The following N4BP2 variants were observed in gnomAD, a reference collection of about 807,000 sequenced individuals.
N4BP2 encodes the protein NEDD4-binding protein 2.
Under a neutral mutation model 152.8 loss-of-function variants are expected in N4BP2, and 91 were observed. That is an observed-to-expected ratio of 0.60 (90% CI 0.50 to 0.71). N4BP2 has a LOEUF of 0.71. Ranked by LOEUF, N4BP2 falls within the 30% of genes least tolerant of loss-of-function variation. The pLI, the probability that N4BP2 is intolerant of heterozygous loss-of-function variation, is 0.00. For missense variants in N4BP2, 1,923 were observed against 2,059.1 expected, an observed-to-expected ratio of 0.93 and a Z score of 1.28; for synonymous variants, 646 against 705.3, an observed-to-expected ratio of 0.92 and a Z score of 1.33.
At chr4:40,142,278 C>T in intron 14 of N4BP2, 1 of 322,200 alleles carries the variant, frequency 3.1e-6, no homozygotes, top group Non-Finnish European at 6.1e-6. Context: ...TGCTCTGGTT[C>T]CTTTGGATCA....
chr4:40,116,500 C>T (rs1717348897), intron 7 of N4BP2, among the ~76,000 whole-genome samples: 1 of 152,076 alleles, frequency 6.6e-6, no homozygotes, highest in African/African-American at 2.4e-5. Context: ...GGAAATTGTG[C>T]AGACTTTAAA....
the N4BP2 span, among the ~76,000 whole-genome samples, chr4:40,179,052 T>G: frequency 6.6e-6 from 1 of 152,182 alleles, no homozygotes; most frequent in South Asian, 2.1e-4. Context: ...GGAGCATTTA[T>G]TTATGGGTCC....
At chr4:40,153,808 T>C (rs75406760) in intron 17 of N4BP2, among the ~76,000 whole-genome samples, 10,004 of 152,278 alleles carry the variant, frequency 0.066, 406 homozygotes, top group Non-Finnish European at 0.085. Context: ...CGGATAGAGT[T>C]GAAAGCATTG....
At chr4:40,146,487 A>G (rs77775967) in intron 16 of N4BP2, among the ~76,000 whole-genome samples, 3,739 of 152,336 alleles carry the variant, frequency 0.025, 156 homozygotes, top group African/African-American at 0.086. Flanking sequence ...TCAACACTCA[A>G]AAAAGTTTTT....
At chr4:40,113,554 C>T (rs1262938297) in intron 7 of N4BP2, 46 bp downstream of exon 7, 1 of 1,298,444 alleles carries the variant, frequency 7.7e-7, no homozygotes. Context: ...TAACGACAGA[C>T]AGACAAGGTC....
At chr4:40,098,467 T>C (rs1715304441) in intron 3 of N4BP2, among the ~76,000 whole-genome samples, 1 of 152,056 alleles carries the variant, frequency 6.6e-6, no homozygotes, top group South Asian at 2.1e-4. Context: ...CAGAAGGGAG[T>C]TTATATAAGT....
chr4:40,124,254 T>C (rs1345993320), intron 11 of N4BP2, 49 bp downstream of exon 11: 15 of 1,439,188 alleles, frequency 1.0e-5, no homozygotes, highest in Admixed American at 3.4e-5. Context: ...AAATTTGGTG[T>C]GTGTGTTTGA....
chr4:40,127,802 AG>A (rs1718554343), intron 12 of N4BP2, among the ~76,000 whole-genome samples: 1 of 152,110 alleles, frequency 6.6e-6, no homozygotes, highest in Non-Finnish European at 1.5e-5. Flanking sequence ...CTGGAACTAC[AG>A]GTGCCTGCCA....
intron 2 of N4BP2, among the ~76,000 whole-genome samples, chr4:40,082,194 T>C (rs966942967): frequency 6.9e-6 from 1 of 145,650 alleles, no homozygotes; most frequent in East Asian, 2.0e-4. Context: ...GGGAATTGCT[T>C]GAACCCAAGA....
chr4:40,097,613 A>G (rs1437325060), intron 3 of N4BP2, 44 bp downstream of exon 3: 5 of 1,094,936 alleles, frequency 4.6e-6, no homozygotes, highest in Non-Finnish European at 7.0e-6. Context: ...TTATAAGAAG[A>G]CTTTGTGTAC....
At chr4:40,148,591 C>CTCT (rs1390795216) in intron 16 of N4BP2, among the ~76,000 whole-genome samples, 4 of 152,046 alleles carry the variant, frequency 2.6e-5, no homozygotes, top group Non-Finnish European at 4.4e-5. Context: ...TAATGCCCTC[C>CTCT]AGCCACATCT....
chr4:40,102,269 C>T lies in N4BP2; in HGVS notation c.424C>T (p.Leu142=). ...TTTGGACATGCAGCTAACTGAAGAC[C>T]TGGATTCCTTAATACAGAATGCTTT... ...SFLDMQLTED[L]DSLIQNAFEK... is the part of the protein sequence containing the mutation. The change falls in exon 4 of 18, where the codon CTG becomes TTG. Residue 142 remains leucine, a synonymous_variant. Transcript: ENST00000261435. The T allele has an allele frequency of 6.2e-7, 1 of 1,613,602 alleles. No individual in the cohort carries two copies. The highest frequency in any genetic ancestry group is 8.5e-7 in the Non-Finnish European group (1 of 1,179,804).
Position 40,121,739 on chromosome 4 carries a change from A to C in N4BP2, c.3628A>C (p.Thr1210Pro). 6.2e-7 allele frequency: 1 copy of C among 1,613,924 alleles called. No homozygotes were observed. Among genetic ancestry groups the C allele is most frequent in the Non-Finnish European group, 8.5e-7 (1 of 1,179,946 alleles). ...NSEQAEMRAV[T>P]PENHESMTSI... is the part of the protein sequence containing the mutation. ...AGAGCAGGCGGAAATGAGAGCTGTCACTCCTGAAAACCATGAATCGATGAC... is the reference window on the plus strand; with the variant it reads ...AGAGCAGGCGGAAATGAGAGCTGTCCCTCCTGAAAACCATGAATCGATGAC... The change falls in exon 9 of 18, where the codon ACT becomes CCT. Residue 1210 changes from threonine to proline, a missense_variant. Thr to Pro is a conservative substitution (Grantham distance 38, BLOSUM62 -1). Transcript: ENST00000261435.
chr4:40,092,553 T>C (rs1014249015), intron 2 of N4BP2, among the ~76,000 whole-genome samples: 1 of 152,138 alleles, frequency 6.6e-6, no homozygotes, highest in Admixed American at 6.6e-5. Flanking sequence ...CTTTCAGTTT[T>C]ATAGATCATT....
At chr4:40,119,550 C>T (rs1308950368) in intron 8 of N4BP2, among the ~76,000 whole-genome samples, 2 of 152,062 alleles carry the variant, frequency 1.3e-5, no homozygotes, top group East Asian at 3.8e-4. Context: ...ACCTATTTTA[C>T]ATATGCTTAG....
chr4:40,143,519 G>A (rs564077898), intron 15 of N4BP2, among the ~76,000 whole-genome samples: 4 of 152,098 alleles, frequency 2.6e-5, no homozygotes, highest in South Asian at 4.2e-4. Flanking sequence ...CAGGCTGGTC[G>A]TGAACTCCTG....
intron 1 of N4BP2, among the ~76,000 whole-genome samples, chr4:40,063,987 G>A (rs1457546102): frequency 6.6e-6 from 1 of 151,328 alleles, no homozygotes; most frequent in African/African-American, 2.4e-5. Context: ...GCGGCAGGGG[G>A]GGGTCTCACT....
intron 16 of N4BP2, 42 bp from the exon 17 acceptor site, chr4:40,152,738 A>G: frequency 6.2e-7 from 1 of 1,607,382 alleles, no homozygotes; most frequent in South Asian, 1.1e-5. Context: ...TTGAGAATGT[A>G]AGATAAATGA....
intron 12 of N4BP2, among the ~76,000 whole-genome samples, chr4:40,131,299 A>G (rs751308674): frequency 6.6e-6 from 1 of 152,206 alleles, no homozygotes; most frequent in Non-Finnish European, 1.5e-5. Context: ...GGCCACTAAG[A>G]GTCTCAGAAC....
Sources: gnomAD v4.1 joint callset for allele counts (sites outside exome capture counted in the v4.1 genomes callset) on GRCh38, gnomAD v4.1.1 for gene constraint, MANE v1.5 for transcripts, NCBI Gene and HGNC (gene_info 2026-07-23, HGNC 2026-07-21) for gene names.